SAMD4A: variants seen among roughly 807,000 people sequenced by gnomAD.
SAMD4A encodes protein Smaug homolog 1.
Under a neutral mutation model 81.3 loss-of-function variants are expected in SAMD4A, and 33 were observed. That is an observed-to-expected ratio of 0.41 (90% CI 0.31 to 0.54). SAMD4A has a LOEUF of 0.54. SAMD4A is among the 20% of genes least tolerant of loss of function. SAMD4A has a pLI of 0.37. For missense variants in SAMD4A, 854 were observed against 951.1 expected, an observed-to-expected ratio of 0.90 and a Z score of 1.34; for synonymous variants, 389 against 382.1, an observed-to-expected ratio of 1.02 and a Z score of -0.21.
rs761406831 is a variant in SAMD4A, at chr14:54,784,586, G to A, written c.2094G>A (p.Ser698=). Residue 698 remains serine, a synonymous_variant, in exon 12 of 13, where the codon TCG becomes TCA. Transcript: ENST00000554335. ...CTGACATCAACAACAGGCTGGAGTC[G>A]TTGTGCCTCAGTATGACCGAACACG... ...TEPDINNRLE[S]LCLSMTEHAL... is the part of the protein sequence containing the mutation. The A allele has an allele frequency of 3.7e-6, 6 of 1,614,026 alleles. No individual in the cohort carries two copies. Among genetic ancestry groups the A allele is most frequent in the African/African-American group, 1.3e-5 (1 of 74,900 alleles).
At chr14:54,774,504 G>T (rs900624925) in intron 9 of SAMD4A, among the ~76,000 whole-genome samples, 1 of 152,102 alleles carries the variant, frequency 6.6e-6, no homozygotes, top group African/African-American at 2.4e-5. Context: ...AGGAGTTCCA[G>T]ACCAGCCTGG....
intron 2 of SAMD4A, among the ~76,000 whole-genome samples, chr14:54,610,219 C>G (rs1008028331): frequency 3.3e-5 from 5 of 152,152 alleles, no homozygotes; most frequent in Non-Finnish European, 7.3e-5. Flanking sequence ...AGCGAGGGCT[C>G]ATTTCTTCCA....
rs554438226 is a variant in SAMD4A at position 54,616,032 on chromosome 14, C to T, written c.196+47920C>T. The stretch of plus-strand genomic sequence containing the variant: ...TTTACTTGTATTTATAAGTAGCTAT[C>T]TAATATATGGTGTATCCCATGTGAC... On this transcript the variant is annotated intron_variant, in intron 2 of 12. Coordinates refer to ENST00000554335, the MANE Select transcript of SAMD4A (RefSeq NM_015589.6). Among the ~76,000 whole-genome samples, 26 of 152,270 alleles carry T rather than the reference C, an allele frequency of 1.7e-4. No homozygotes were observed. The South Asian group carries it at 5.4e-3, about 32-fold the overall frequency.
chr14:54,671,325 A>G (rs2035876479), intron 2 of SAMD4A, among the ~76,000 whole-genome samples: 1 of 152,212 alleles, frequency 6.6e-6, no homozygotes, highest in African/African-American at 2.4e-5. Flanking sequence ...CTTCTTGTGC[A>G]AGCTAGGTCC....
intron 2 of SAMD4A, among the ~76,000 whole-genome samples, chr14:54,585,812 A>G (rs1332376228): frequency 1.3e-5 from 2 of 152,110 alleles, no homozygotes; most frequent in Admixed American, 6.6e-5. Context: ...TGACGTATAT[A>G]TCACATTTTC....
At chr14:54,637,342 G>T (rs2035057275) in intron 2 of SAMD4A, among the ~76,000 whole-genome samples, 1 of 119,076 alleles carries the variant, frequency 8.4e-6, no homozygotes, top group Non-Finnish European at 1.6e-5. Context: ...TCCAGCCTGG[G>T]CAACAAGAGC....
chr14:54,724,015 AG>A (rs1247105065), intron 3 of SAMD4A, among the ~76,000 whole-genome samples: 1 of 141,338 alleles, frequency 7.1e-6, no homozygotes, highest in Non-Finnish European at 1.6e-5. Flanking sequence ...GATGGAAGGA[AG>A]GAAGGAAGGA....
At position 54,724,048 on chromosome 14, in the gene SAMD4A, G is replaced by T. The variant is rs184542811; in HGVS notation, c.716-12976G>T. Among the ~76,000 whole-genome samples the T allele has an allele frequency of 1.1e-4, 16 of 151,062 alleles. No homozygotes were observed. In the East Asian group the frequency reaches 1.6e-3, roughly 15 times the overall value. On this transcript the variant is annotated intron_variant, in intron 3 of 12. Coordinates refer to ENST00000554335, the MANE Select transcript of SAMD4A (RefSeq NM_015589.6). ...AGGAAGGAAGGAAGGAAGGAAGGAA[G>T]GAATAATGCAGGACGCATCTATTCA... is the stretch of plus-strand genomic sequence containing the variant.
chr14:54,586,317 C>T (rs965124738), intron 2 of SAMD4A, among the ~76,000 whole-genome samples: 1 of 152,172 alleles, frequency 6.6e-6, no homozygotes, highest in Admixed American at 6.5e-5. Context: ...TTTATAGATT[C>T]TGCAAATTAG....
chr14:54,753,605 CTCTT>C (rs1401113437), intron 6 of SAMD4A, among the ~76,000 whole-genome samples: 1 of 152,058 alleles, frequency 6.6e-6, no homozygotes. Context: ...AGTCTGATCT[CTCTT>C]TCTTTTCCCT....
At position 54,636,331 on chromosome 14, in the gene SAMD4A, G is replaced by A. The variant is rs151280496; in HGVS notation, c.197-65731G>A. 5.2e-4 allele frequency among the ~76,000 whole-genome samples: 79 copies of A among 152,258 alleles called. No homozygotes were observed. In the East Asian group the frequency reaches 0.014, roughly 26 times the overall value. On this transcript the variant is annotated intron_variant, in intron 2 of 12. Transcript: ENST00000554335. Reference sequence around the variant, plus strand: ...ATCAAGAGGAAGGGTGGTGGGAGGCGAAACCCCAAGAGGTAAGTGGTGGTG... The same window carrying A: ...ATCAAGAGGAAGGGTGGTGGGAGGCAAAACCCCAAGAGGTAAGTGGTGGTG...
intron 2 of SAMD4A, among the ~76,000 whole-genome samples, chr14:54,637,362 T>C (rs181955692): frequency 0.035 from 2,333 of 66,544 alleles, 32 homozygotes; most frequent in Middle Eastern, 0.14. Context: ...CGAAACTCCA[T>C]CTCAAAAAAA....
chr14:54,778,608 C>T (rs987129510), intron 11 of SAMD4A, among the ~76,000 whole-genome samples: 17 of 152,214 alleles, frequency 1.1e-4, no homozygotes, highest in Middle Eastern at 3.4e-3. Context: ...AACTCTGGAA[C>T]GCTTTGAGTG....
chr14:54,726,676 C>A (rs917628680), intron 3 of SAMD4A, among the ~76,000 whole-genome samples: 1 of 152,150 alleles, frequency 6.6e-6, no homozygotes, highest in Non-Finnish European at 1.5e-5. Flanking sequence ...TCGATTAAAG[C>A]CACCAAGGTG....
At chr14:54,599,336 G>C (rs1489032583) in intron 2 of SAMD4A, among the ~76,000 whole-genome samples, 1 of 152,148 alleles carries the variant, frequency 6.6e-6, no homozygotes, top group Non-Finnish European at 1.5e-5. Flanking sequence ...AACCTCTTAG[G>C]CGTTGACAGA....
At chr14:54,695,461 C>G (rs1251161660) in intron 2 of SAMD4A, among the ~76,000 whole-genome samples, 1 of 152,168 alleles carries the variant, frequency 6.6e-6, no homozygotes, top group Non-Finnish European at 1.5e-5. Context: ...CTGGCTTCCC[C>G]CAGAACAAGT....
intron 2 of SAMD4A, among the ~76,000 whole-genome samples, chr14:54,685,492 C>G (rs2036243005): frequency 6.6e-6 from 1 of 152,212 alleles, no homozygotes; most frequent in Non-Finnish European, 1.5e-5. Context: ...ATGTTGTTTA[C>G]CTATTCATCT....
chr14:54,744,374 T>C (rs946027119), intron 4 of SAMD4A, among the ~76,000 whole-genome samples: 4 of 152,218 alleles, frequency 2.6e-5, no homozygotes, highest in African/African-American at 9.7e-5. Context: ...GAGCCCTGCT[T>C]CTGTGTGAAC....
chr14:54,761,748 G>T (rs1014330051), intron 7 of SAMD4A, among the ~76,000 whole-genome samples: 2 of 152,172 alleles, frequency 1.3e-5, no homozygotes, highest in African/African-American at 4.8e-5. Context: ...CTTCACCTGG[G>T]TCATGCCTCC....
Sources: gnomAD v4.1 joint callset for allele counts (sites outside exome capture counted in the v4.1 genomes callset) on GRCh38, gnomAD v4.1.1 for gene constraint, MANE v1.5 for transcripts, NCBI Gene and HGNC (gene_info 2026-07-23, HGNC 2026-07-21) for gene names.